NMT1: variants seen among roughly 807,000 people sequenced by gnomAD.
The protein encoded by NMT1 is glycylpeptide N-tetradecanoyltransferase 1.
NMT1 carries 12 observed loss-of-function variants against 63.4 expected under a neutral mutation model. The observed-to-expected ratio is 0.19, with a 90% CI of 0.12 to 0.31. The LOEUF (loss-of-function observed/expected upper bound fraction) is 0.31. NMT1 is among the 10% of genes least tolerant of loss of function. NMT1 has a pLI of 1.00. For synonymous variants in NMT1, 228 were observed against 234.3 expected, an observed-to-expected ratio of 0.97 and a Z score of 0.25; for missense variants, 432 against 634.6, an observed-to-expected ratio of 0.68 and a Z score of 3.43.
At chr17:45,086,758 T>C in intron 3 of NMT1, 106 bp downstream of exon 3, 1 of 1,201,210 alleles carries the variant, frequency 8.3e-7, no homozygotes, top group Non-Finnish European at 1.2e-6. Context: ...GGCAGTAGAG[T>C]CCTGGAGTTC....
At chr17:45,061,970 T>C (rs1191943292) in intron 1 of NMT1, 2 of 152,818 alleles carry the variant, frequency 1.3e-5, no homozygotes, top group Non-Finnish European at 2.9e-5. Context: ...TAAACTCACC[T>C]TATAAACCTA....
chr17:45,076,935 T>C (rs1178562601), intron 1 of NMT1, among the ~76,000 whole-genome samples: 3 of 152,174 alleles, frequency 2.0e-5, no homozygotes, highest in Non-Finnish European at 4.4e-5. Flanking sequence ...ATACTTGTAT[T>C]GGCAATGCAT....
intron 1 of NMT1, among the ~76,000 whole-genome samples, chr17:45,078,820 A>G (rs2053994202): frequency 6.6e-6 from 1 of 151,792 alleles, no homozygotes; most frequent in African/African-American, 2.4e-5. Context: ...GCACCACCAC[A>G]CCTGGCTAAT....
At chr17:45,067,376 G>A (rs2053909584) in intron 1 of NMT1, among the ~76,000 whole-genome samples, 1 of 152,130 alleles carries the variant, frequency 6.6e-6, no homozygotes, top group African/African-American at 2.4e-5. Context: ...GTAAGCACGG[G>A]TCAAGAGCCC....
At chr17:45,072,709 G>A (rs750255352) in intron 1 of NMT1, among the ~76,000 whole-genome samples, 3 of 151,676 alleles carry the variant, frequency 2.0e-5, no homozygotes, top group Non-Finnish European at 4.4e-5. Flanking sequence ...ACAGGCGCCC[G>A]CCACGATGCC....
At chr17:45,090,511 A>G (rs1049160624) in intron 3 of NMT1, among the ~76,000 whole-genome samples, 1 of 152,150 alleles carries the variant, frequency 6.6e-6, no homozygotes, top group African/African-American at 2.4e-5. Flanking sequence ...AAAAGTCACT[A>G]TCAAAGGGAG....
intron 1 of NMT1, among the ~76,000 whole-genome samples, chr17:45,073,058 C>G (rs2053953731): frequency 6.6e-6 from 1 of 152,074 alleles, no homozygotes; most frequent in South Asian, 2.1e-4. Context: ...AAGCATCAGT[C>G]AAGCATATAA....
chr17:45,108,977 C>T lies in NMT1; in HGVS notation c.*3338C>T, dbSNP rs1358585731. On this transcript the variant is annotated 3_prime_UTR_variant, in exon 12 of 12. Coordinates refer to ENST00000258960, the MANE Select transcript of NMT1 (RefSeq NM_021079.5). The stretch of plus-strand genomic sequence containing the variant: ...AAATGCATTGTTGTTCTGCTCAATA[C>T]ATCTCACTTGTTTCTAATAAAGAAA... The T allele has an allele frequency of 6.6e-6, 1 of 152,634 alleles. No individual in the cohort carries two copies. Among genetic ancestry groups the T allele is most frequent in the East Asian group, 1.9e-4 (1 of 5,192 alleles). 9.5% of individuals were successfully genotyped at this position (152,634 alleles called of 1,614,324 possible).
chr17:45,090,189 T>G (rs141736009), intron 3 of NMT1, among the ~76,000 whole-genome samples: 1 of 152,012 alleles, frequency 6.6e-6, no homozygotes, highest in East Asian at 1.9e-4. Flanking sequence ...GAGACTGAGG[T>G]GGGAGGATCG....
In NMT1 at chr17:45,104,702, C is replaced by A; in HGVS notation, c.1333-157C>A. 2 of 1,455,048 alleles carry A rather than the reference C, an allele frequency of 1.4e-6. No individual in the cohort carries two copies. The highest frequency in any genetic ancestry group is 2.5e-5 in the East Asian group (1 of 40,488). 90.1% of individuals were successfully genotyped at this position (1,455,048 alleles called of 1,614,324 possible). ...CGCTCAGAGTGTCCTGAGAACCACC[C>A]GGAGAGCGGGGATTAACGTGGAAGC... On this transcript the variant is annotated intron_variant, in intron 10 of 11. Transcript: ENST00000258960. This position sits in a 1 kb window ranked among gnomAD's most constrained non-coding sequence, Gnocchi z 4.2.
In NMT1 at chr17:45,105,708, T is replaced by C. The variant is rs1250182993; in HGVS notation, c.*69T>C. 6.7e-7 allele frequency: 1 copy of C among 1,487,480 alleles called. No homozygotes were observed. Among genetic ancestry groups the C allele is most frequent in the Non-Finnish European group, 9.3e-7 (1 of 1,071,302 alleles). The allele number at this position is 1,487,480 out of a possible 1,614,324, so 92.1% of individuals were successfully genotyped here. ...ACCAGGAAATGGAACCCCACCACTG[T>C]TGGTCCAATTTTCACACACGTGAGA... On this transcript the variant is annotated 3_prime_UTR_variant, in exon 12 of 12. Transcript: ENST00000258960. The surrounding 1 kb of genome is among the most constrained non-coding windows in gnomAD (Gnocchi z 4.2).
At position 45,108,211 on chromosome 17, in the gene NMT1, TTTC is replaced by T. The variant is rs1382272062; in HGVS notation, c.*2573_*2575del. ...CCACCCAGTCCTCCCAGCTGCCATG[TTTC>T]AAAGACGACCTTTACCTCCTGCCTT... On this transcript the variant is annotated 3_prime_UTR_variant, in exon 12 of 12. Transcript: ENST00000258960. 1 of 152,506 alleles carries T rather than the reference TTTC, an allele frequency of 6.6e-6. No homozygotes were observed. The highest frequency in any genetic ancestry group is 6.5e-5 in the Admixed American group (1 of 15,292). The allele number at this position is 152,506 out of a possible 1,614,324, so 9.4% of individuals were successfully genotyped here. A position where few individuals can be genotyped will look rare whatever the true frequency, so the allele number is the denominator to read the frequency against.
In NMT1 at chr17:45,102,940, C is replaced by G; in HGVS notation, c.994-11C>G. 6.2e-7 allele frequency: 1 copy of G among 1,604,042 alleles called. No individual in the cohort carries two copies. Among genetic ancestry groups the G allele is most frequent in the Non-Finnish European group, 8.5e-7 (1 of 1,172,368 alleles). ...GCTCATCTCACTCCATCTCTTCTGT[C>G]TTGCCTCCAGACTCCCAAGACAGCT... On this transcript the variant is annotated splice_polypyrimidine_tract_variant and intron_variant, in intron 8 of 11. Coordinates refer to ENST00000258960, the MANE Select transcript of NMT1 (RefSeq NM_021079.5).
chr17:45,105,770 C>T lies in NMT1; in HGVS notation c.*131C>T, dbSNP rs1470631130. 1.1e-6 allele frequency: 1 copy of T among 874,818 alleles called. No homozygotes were observed. Among genetic ancestry groups the T allele is most frequent in the East Asian group, 2.7e-5 (1 of 36,504 alleles). The allele number at this position is 874,818 out of a possible 1,614,324, so 54.2% of individuals were successfully genotyped here. On this transcript the variant is annotated 3_prime_UTR_variant, in exon 12 of 12. Transcript: ENST00000258960. This position sits in a 1 kb window ranked among gnomAD's most constrained non-coding sequence, Gnocchi z 4.2. ...AGGGAGCAGAACTGAACCGGCTTTA[C>T]CAAACCGCCAGCGAACTTGACAATT...
chr17:45,061,496 C>T (rs769433108), intron 1 of NMT1, 36 bp downstream of exon 1: 18 of 1,594,964 alleles, frequency 1.1e-5, no homozygotes, highest in Non-Finnish European at 1.5e-5. Flanking sequence ...CCCGTCCAGC[C>T]TCCCACAACC....
In NMT1 at chr17:45,104,303, C is replaced by T. The variant is rs768478521; in HGVS notation, c.1332+427C>T. The T allele has an allele frequency of 6.8e-6, 8 of 1,180,494 alleles. No individual in the cohort carries two copies. The highest frequency in any genetic ancestry group is 8.5e-6 in the Non-Finnish European group (8 of 941,694). 73.1% of individuals were successfully genotyped at this position (1,180,494 alleles called of 1,614,324 possible). The stretch of plus-strand genomic sequence containing the variant: ...GTGCTTTGCTGTGGGTTCTGGTAAC[C>T]TGTGCCCAGCCCAGCCCAGCCTGCT... On this transcript the variant is annotated intron_variant, in intron 10 of 11. Transcript: ENST00000258960. This position sits in a 1 kb window ranked among gnomAD's most constrained non-coding sequence, Gnocchi z 4.2.
At chr17:45,098,251 G>A in intron 6 of NMT1, 131 bp from the exon 7 acceptor site, 1 of 765,448 alleles carries the variant, frequency 1.3e-6, no homozygotes. Flanking sequence ...CCAGTACTGA[G>A]TGCAGGTGGC....
chr17:45,085,067 G>A (rs1442568466), intron 2 of NMT1, among the ~76,000 whole-genome samples: 1 of 151,808 alleles, frequency 6.6e-6, no homozygotes, highest in African/African-American at 2.4e-5. Context: ...AGGCAACATA[G>A]TGAGACCCCG....
Position 45,105,468 on chromosome 17 carries a change from T to C in NMT1, c.1471-151T>C, listed in dbSNP as rs747823614. Reference sequence around the variant, plus strand: ...GGACGTGTGAACCCTGGTGTGGAGGTTGAGTGTGGGGCCGGCTGGGTGTGA... The same window carrying C: ...GGACGTGTGAACCCTGGTGTGGAGGCTGAGTGTGGGGCCGGCTGGGTGTGA... On this transcript the variant is annotated intron_variant, in intron 11 of 11. Coordinates refer to ENST00000258960, the MANE Select transcript of NMT1 (RefSeq NM_021079.5). The surrounding 1 kb of genome is among the most constrained non-coding windows in gnomAD (Gnocchi z 4.2). The C allele has an allele frequency of 7.1e-5, 57 of 801,730 alleles. No homozygotes were observed. Among genetic ancestry groups the C allele is most frequent in the Non-Finnish European group, 1.1e-4 (53 of 474,552 alleles). The allele number at this position is 801,730 out of a possible 1,614,324, so 49.7% of individuals were successfully genotyped here.
Sources: gnomAD v4.1 joint callset for allele counts (sites outside exome capture counted in the v4.1 genomes callset) on GRCh38, gnomAD v4.1.1 for gene constraint, Gnocchi (gnomAD v3.1) non-coding constraint, MANE v1.5 for transcripts, NCBI Gene and HGNC (gene_info 2026-07-23, HGNC 2026-07-21) for gene names.